The following KIF6 variants were observed in gnomAD, a reference collection of about 807,000 sequenced individuals.
KIF6 encodes the protein kinesin-like protein KIF6.
A neutral mutation model predicts 112.7 loss-of-function variants in KIF6; 106 were observed. The observed-to-expected ratio is 0.94, with a 90% CI of 0.80 to 1.11. The LOEUF is 1.11. Among genes scored for constraint, KIF6 ranks in the 50% least tolerant of loss-of-function variants. The pLI is 0.00. For synonymous variants in KIF6, 339 were observed against 339.9 expected (o/e 1.00, Z 0.03); for missense variants, 929 against 964.0 (o/e 0.96, Z 0.48).
chr6:39,360,944 T>C (rs1382378542), intron 17 of KIF6, among the ~76,000 whole-genome samples: 1 of 152,102 alleles, frequency 6.6e-6, no homozygotes, highest in Non-Finnish European at 1.5e-5. Flanking sequence ...GAGACAGGTA[T>C]GAAGAGGTTA....
intron 1 of KIF6, among the ~76,000 whole-genome samples, chr6:39,723,201 A>G (rs1790329322): frequency 6.6e-6 from 1 of 152,218 alleles, no homozygotes; most frequent in African/African-American, 2.4e-5. Flanking sequence ...TTCTTTCTAC[A>G]CCACTTTATT....
intron 9 of KIF6, among the ~76,000 whole-genome samples, chr6:39,578,701 G>A (rs936752027): frequency 8.6e-5 from 13 of 151,790 alleles, no homozygotes; most frequent in African/African-American, 2.4e-4. Context: ...TCCCCCCTCC[G>A]TCCTTCCTGG....
intron 16 of KIF6, among the ~76,000 whole-genome samples, chr6:39,373,495 T>A (rs1766191677): frequency 6.6e-6 from 1 of 152,156 alleles, no homozygotes; most frequent in Non-Finnish European, 1.5e-5. Flanking sequence ...CAAAAAACTT[T>A]TGGTTGATAA....
At chr6:39,697,813 G>T (rs910256623) in intron 3 of KIF6, among the ~76,000 whole-genome samples, 23 of 152,264 alleles carry the variant, frequency 1.5e-4, no homozygotes, top group African/African-American at 4.8e-4. Context: ...CTCCCAAAGT[G>T]CTGGGATTAC....
intron 3 of KIF6, among the ~76,000 whole-genome samples, chr6:39,687,938 G>T (rs1353228562): frequency 6.6e-6 from 1 of 152,172 alleles, no homozygotes; most frequent in Non-Finnish European, 1.5e-5. Context: ...TTCATAGAGG[G>T]TCTTGTGACA....
chr6:39,343,521 G>A lies in KIF6; in HGVS notation c.2428+188C>T. On this transcript the variant is annotated intron_variant, in intron 22 of 22. Coordinates refer to ENST00000287152, the MANE Select transcript of KIF6 (RefSeq NM_145027.6). This position sits in a 1 kb window ranked among gnomAD's most constrained non-coding sequence, Gnocchi z 4.1. Reference sequence around the variant, plus strand: ...CACTTGGGCCTGTCTTGGTGTTTCTGATGCTGCCCCTTGAGGCTTTCTCGA... The same window carrying A: ...CACTTGGGCCTGTCTTGGTGTTTCTAATGCTGCCCCTTGAGGCTTTCTCGA... 1 of 1,456,350 alleles carries A rather than the reference G, an allele frequency of 6.9e-7. No homozygotes were observed. The highest frequency in any genetic ancestry group is 2.6e-5 in the East Asian group (1 of 39,002). The allele number at this position is 1,456,350 out of a possible 1,614,324, so 90.2% of individuals were successfully genotyped here.
chr6:39,675,591 C>T (rs966861195), intron 3 of KIF6, among the ~76,000 whole-genome samples: 1 of 96,816 alleles, frequency 1.0e-5, no homozygotes, highest in South Asian at 3.6e-4. Context: ...CAATCTAAAA[C>T]AACAAAACCC....
chr6:39,581,899 T>C (rs1179450744), intron 9 of KIF6, among the ~76,000 whole-genome samples: 14 of 152,154 alleles, frequency 9.2e-5, no homozygotes, highest in Non-Finnish European at 4.4e-5. Flanking sequence ...GGTATATAGG[T>C]GAGTTTCAGA....
intron 3 of KIF6, among the ~76,000 whole-genome samples, chr6:39,685,392 A>C (rs962556129): frequency 6.6e-6 from 1 of 152,196 alleles, no homozygotes; most frequent in Admixed American, 6.5e-5. Context: ...ATGAGGCTGT[A>C]CTTGATTGGT....
intron 7 of KIF6, among the ~76,000 whole-genome samples, chr6:39,594,058 T>C (rs562111471): frequency 3.9e-5 from 6 of 152,244 alleles, no homozygotes; most frequent in Admixed American, 2.0e-4. Flanking sequence ...AAATATTTGT[T>C]TGATAAATAA....
chr6:39,400,752 G>T lies in KIF6; in HGVS notation c.1811-15080C>A, dbSNP rs114933997. ...GAAACAGATCTGACCCCTTCTCCACGGTGATATTTGTAATCTTTTCTCTTT... is the reference window on the plus strand; with the variant it reads ...GAAACAGATCTGACCCCTTCTCCACTGTGATATTTGTAATCTTTTCTCTTT... On this transcript the variant is annotated intron_variant, in intron 15 of 22. Transcript: ENST00000287152. 3.4e-3 allele frequency among the ~76,000 whole-genome samples: 516 copies of T among 152,270 alleles called. 8 individuals carry two copies. The highest frequency in any genetic ancestry group is 5.2e-3 in the Non-Finnish European group (357 of 68,014).
At chr6:39,400,669 G>C (rs555733322) in intron 15 of KIF6, among the ~76,000 whole-genome samples, 1 of 152,316 alleles carries the variant, frequency 6.6e-6, no homozygotes, top group South Asian at 2.1e-4. Flanking sequence ...TTGTGGGGGA[G>C]AAGCTTCTGA....
At chr6:39,395,945 A>G (rs556502993) in intron 15 of KIF6, among the ~76,000 whole-genome samples, 21 of 152,302 alleles carry the variant, frequency 1.4e-4, no homozygotes, top group African/African-American at 4.3e-4. Flanking sequence ...TGGCTCTTTG[A>G]TATAAATAAT....
chr6:39,385,336 G>C (rs1767319346), intron 16 of KIF6, among the ~76,000 whole-genome samples: 1 of 152,132 alleles, frequency 6.6e-6, no homozygotes. Flanking sequence ...GGACACAGTG[G>C]GTGAATTTAG....
intron 13 of KIF6, among the ~76,000 whole-genome samples, chr6:39,510,099 T>C (rs559510003): frequency 9.3e-5 from 14 of 150,418 alleles, no homozygotes; most frequent in East Asian, 7.8e-4. Context: ...CTTTTCTTTT[T>C]TTTTTTTTTT....
At chr6:39,411,261 C>T (rs933763172) in intron 15 of KIF6, among the ~76,000 whole-genome samples, 24 of 152,198 alleles carry the variant, frequency 1.6e-4, no homozygotes, top group African/African-American at 5.3e-4. Context: ...GGAGGCAGAA[C>T]GCTGGGCTCT....
In KIF6 at chr6:39,405,465, G is replaced by A. The variant is rs538322368; in HGVS notation, c.1810+14483C>T. Reference sequence around the variant, plus strand: ...AATACTTTCCTGTGCCACTTTATACGATCATGAGGTTTTTCTTCCTTAATC... The same window carrying A: ...AATACTTTCCTGTGCCACTTTATACAATCATGAGGTTTTTCTTCCTTAATC... On this transcript the variant is annotated intron_variant, in intron 15 of 22. Coordinates refer to ENST00000287152, the MANE Select transcript of KIF6 (RefSeq NM_145027.6). Among the ~76,000 whole-genome samples the A allele has an allele frequency of 3.3e-5, 5 of 152,240 alleles. No homozygotes were observed. In the South Asian group the frequency reaches 6.2e-4, roughly 19 times the overall value.
In KIF6 at chr6:39,501,754, G is replaced by C. The variant is rs537723074; in HGVS notation, c.1645+38249C>G. ...CTCAGAGCTGGAAGACTAGCTTCTG[G>C]ATTAAGACAGGCAGACAAGAATGGA... On this transcript the variant is annotated intron_variant, in intron 13 of 22. Transcript: ENST00000287152. Among the ~76,000 whole-genome samples the C allele has an allele frequency of 2.0e-5, 3 of 152,252 alleles. No individual in the cohort carries two copies. In the South Asian group the frequency reaches 6.2e-4, roughly 32 times the overall value.
At chr6:39,408,893 G>C (rs554178288) in intron 15 of KIF6, among the ~76,000 whole-genome samples, 1 of 152,214 alleles carries the variant, frequency 6.6e-6, no homozygotes, top group African/African-American at 2.4e-5. Context: ...CTGAACTCCA[G>C]ATTAAGGGAG....
Sources: gnomAD v4.1 joint callset for allele counts (sites outside exome capture counted in the v4.1 genomes callset) on GRCh38, gnomAD v4.1.1 for gene constraint, Gnocchi (gnomAD v3.1) non-coding constraint, MANE v1.5 for transcripts, NCBI Gene and HGNC (gene_info 2026-07-23, HGNC 2026-07-21) for gene names.